Variants in BNC2 observed in about 807,000 individuals in gnomAD.
BNC2 encodes the protein basonuclin zinc finger protein 2.
In BNC2, 20 loss-of-function variants were observed where a neutral mutation model predicts 76.3. That is an observed-to-expected ratio of 0.26 (90% confidence interval 0.18 to 0.38). The LOEUF (loss-of-function observed/expected upper bound fraction) is 0.38. Among genes scored for constraint, BNC2 ranks in the 10% least tolerant of loss-of-function variants. The probability of loss-of-function intolerance (pLI) is 1.00; values close to 1 mark genes in which losing one functional copy is unlikely to be tolerated. For synonymous variants in BNC2, 582 were observed against 514.8 expected, an observed-to-expected ratio of 1.13 and a Z score of -1.77; for missense variants, 1,382 against 1,399.8, an observed-to-expected ratio of 0.99 and a Z score of 0.20.
chr9:16,489,101 A>G (rs143844854), intron 5 of BNC2, among the ~76,000 whole-genome samples: 1 of 152,372 alleles, frequency 6.6e-6, no homozygotes, highest in South Asian at 2.1e-4. Flanking sequence ...ATTATAAAAA[A>G]GTAAAAGAGG....
chr9:16,532,737 T>C lies in BNC2; in HGVS notation c.669+19793A>G, dbSNP rs545286996. On this transcript the variant is annotated intron_variant, in intron 5 of 6. Transcript: ENST00000380672. ...ATGTTCTTATAATTATTTGACTACA[T>C]TTTACTATTATCTGTGCTCTGAAGA... is the stretch of plus-strand genomic sequence containing the variant. 2.0e-5 allele frequency among the ~76,000 whole-genome samples: 3 copies of C among 152,348 alleles called. 1 individual carries two copies. In the East Asian group the frequency reaches 5.8e-4, roughly 29 times the overall value.
chr9:16,800,832 G>T (rs889485490), intron 1 of BNC2, among the ~76,000 whole-genome samples: 2 of 151,908 alleles, frequency 1.3e-5, no homozygotes, highest in Non-Finnish European at 1.5e-5. Context: ...TTTTCATCAT[G>T]TGCTTTAAAT....
At chr9:16,444,512 G>A (rs1821192569) in intron 5 of BNC2, among the ~76,000 whole-genome samples, 1 of 152,068 alleles carries the variant, frequency 6.6e-6, no homozygotes, top group Non-Finnish European at 1.5e-5. Context: ...GAAATTAGGA[G>A]ATATACCATC....
Position 16,418,027 on chromosome 9 carries a change from T to C in BNC2, c.*962A>G, listed in dbSNP as rs963055623. The C allele has an allele frequency of 6.6e-6, 1 of 152,656 alleles. No individual in the cohort carries two copies. Among genetic ancestry groups the C allele is most frequent in the African/African-American group, 2.4e-5 (1 of 41,454 alleles). 9.5% of individuals were successfully genotyped at this position (152,656 alleles called of 1,614,324 possible). On this transcript the variant is annotated 3_prime_UTR_variant, in exon 7 of 7. Transcript: ENST00000380672. ...TTTTGTGTTAACACTAATACTTTGT[T>C]TGGCATTTGTGCCCTATACTGACCA...
At chr9:16,711,802 G>C (rs989446506) in intron 3 of BNC2, among the ~76,000 whole-genome samples, 3 of 152,206 alleles carry the variant, frequency 2.0e-5, no homozygotes, top group Non-Finnish European at 4.4e-5. Context: ...AGGCAGGACA[G>C]AGTCTGCTTT....
At chr9:16,863,063 C>T (rs1016555763) in intron 1 of BNC2, among the ~76,000 whole-genome samples, 3 of 151,770 alleles carry the variant, frequency 2.0e-5, no homozygotes, top group Non-Finnish European at 4.4e-5. Flanking sequence ...TATAGGTGCC[C>T]GCCACCACGC....
intron 3 of BNC2, among the ~76,000 whole-genome samples, chr9:16,671,804 T>A (rs1045113833): frequency 6.6e-6 from 1 of 152,132 alleles, no homozygotes; most frequent in Non-Finnish European, 1.5e-5. Flanking sequence ...GTTTGACAAG[T>A]ACTGTTCTGA....
chr9:16,687,236 G>C (rs530432225), intron 3 of BNC2, among the ~76,000 whole-genome samples: 91 of 152,226 alleles, frequency 6.0e-4, no homozygotes, highest in African/African-American at 1.6e-3. Flanking sequence ...ACTACATTTA[G>C]TGGCATCCAT....
rs367669752 is a variant in BNC2, at chr9:16,823,408, T to C, written c.3+47238A>G. The stretch of plus-strand genomic sequence containing the variant: ...GAGTTCAAGACCAGCCTGAGTAACA[T>C]AGTGAGATCCTGTCTCTACAAAAAA... On this transcript the variant is annotated intron_variant, in intron 1 of 6. Transcript: ENST00000380672. Among the ~76,000 whole-genome samples, 38 of 132,068 alleles carry C rather than the reference T, an allele frequency of 2.9e-4. No individual in the cohort carries two copies. The East Asian group carries it at 5.5e-3, about 19-fold the overall frequency. 86.6% of individuals were successfully genotyped at this position (132,068 alleles called of 152,430 possible).
chr9:16,779,937 C>A (rs1393498907), intron 1 of BNC2, among the ~76,000 whole-genome samples: 3 of 152,110 alleles, frequency 2.0e-5, no homozygotes, highest in Admixed American at 6.5e-5. Context: ...AGACAATATA[C>A]TAAAAACTAC....
In BNC2 at chr9:16,826,219, T is replaced by TC. The variant is rs547991041; in HGVS notation, c.3+44426dup. Reference sequence around the variant, plus strand: ...CAGCCCCCCTTTCTCCTTACTTCACTCCCCCCCGCTCAATCTTCCCCCATA... The same window carrying TC: ...CAGCCCCCCTTTCTCCTTACTTCACTCCCCCCCCGCTCAATCTTCCCCCATA... On this transcript the variant is annotated intron_variant, in intron 1 of 6. Coordinates refer to ENST00000380672, the MANE Select transcript of BNC2 (RefSeq NM_017637.6). 2.7e-4 allele frequency among the ~76,000 whole-genome samples: 31 copies of TC among 115,218 alleles called. No individual in the cohort carries two copies. The South Asian group carries it at 3.1e-3, about 12-fold the overall frequency. The allele number at this position is 115,218 out of a possible 152,430, so 75.6% of individuals were successfully genotyped here.
chr9:16,686,831 C>T (rs575481784), intron 3 of BNC2, among the ~76,000 whole-genome samples: 298 of 152,280 alleles, frequency 2.0e-3, no homozygotes, highest in Middle Eastern at 0.01. Context: ...ACTCGGTCAA[C>T]GCTTCAAACA....
intron 5 of BNC2, among the ~76,000 whole-genome samples, chr9:16,545,610 G>A (rs1383291124): frequency 6.6e-6 from 1 of 152,060 alleles, no homozygotes; most frequent in Non-Finnish European, 1.5e-5. Context: ...CATAATTATA[G>A]CTATTCCACC....
At chr9:16,622,302 A>G (rs1248665488) in intron 3 of BNC2, among the ~76,000 whole-genome samples, 1 of 152,220 alleles carries the variant, frequency 6.6e-6, no homozygotes, top group East Asian at 1.9e-4. Context: ...AATTAATTTA[A>G]GAACCTATAG....
intron 3 of BNC2, among the ~76,000 whole-genome samples, chr9:16,666,131 A>G (rs1212228330): frequency 6.6e-6 from 1 of 152,224 alleles, no homozygotes; most frequent in Non-Finnish European, 1.5e-5. Flanking sequence ...TCATATTTCA[A>G]TAAATAGGAG....
chr9:16,459,006 T>A (rs960637727), intron 5 of BNC2, among the ~76,000 whole-genome samples: 10 of 152,292 alleles, frequency 6.6e-5, no homozygotes, highest in African/African-American at 1.9e-4. Flanking sequence ...TCCTTCCCCT[T>A]CACAAGGGTG....
chr9:16,463,542 C>T (rs1182201194), intron 5 of BNC2, among the ~76,000 whole-genome samples: 5 of 143,048 alleles, frequency 3.5e-5, no homozygotes, highest in Non-Finnish European at 5.9e-5. Flanking sequence ...GTGATCCGCC[C>T]GCCTCGGCCT....
intron 3 of BNC2, among the ~76,000 whole-genome samples, chr9:16,674,097 A>G (rs1290483876): frequency 6.6e-6 from 1 of 152,166 alleles, no homozygotes; most frequent in East Asian, 1.9e-4. Flanking sequence ...TTAGATATAT[A>G]AGTTCATCTC....
At chr9:16,866,538 C>T (rs1819547687) in intron 1 of BNC2, among the ~76,000 whole-genome samples, 1 of 151,680 alleles carries the variant, frequency 6.6e-6, no homozygotes, top group Admixed American at 6.6e-5. Flanking sequence ...CAAACCAAAA[C>T]ATTTAAAATA....
Sources: gnomAD v4.1 joint callset for allele counts (sites outside exome capture counted in the v4.1 genomes callset) on GRCh38, gnomAD v4.1.1 for gene constraint, MANE v1.5 for transcripts, NCBI Gene and HGNC (gene_info 2026-07-23, HGNC 2026-07-21) for gene names.